Variants in CNTN5 observed in about 807,000 individuals in gnomAD.
CNTN5 encodes contactin-5.
In CNTN5, 77 loss-of-function variants were observed where a neutral mutation model predicts 129.1. The ratio of observed to expected loss-of-function variants is 0.60; its 90% CI spans 0.50 to 0.72. The LOEUF (loss-of-function observed/expected upper bound fraction) is 0.72. Among genes scored for constraint, CNTN5 ranks in the 30% least tolerant of loss-of-function variants. The pLI is 0.00. For missense variants in CNTN5, 1,478 were observed against 1,328.8 expected, an observed-to-expected ratio of 1.11 and a Z score of -1.75; for synonymous variants, 509 against 465.6, an observed-to-expected ratio of 1.09 and a Z score of -1.20.
chr11:100,137,756 G>C (rs1946572652), intron 13 of CNTN5, among the ~76,000 whole-genome samples: 1 of 152,054 alleles, frequency 6.6e-6, no homozygotes, highest in South Asian at 2.1e-4. Flanking sequence ...AATGCAATTA[G>C]GATATGATTA....
intron 13 of CNTN5, among the ~76,000 whole-genome samples, chr11:100,078,718 A>G (rs79931189): frequency 0.038 from 5,783 of 152,196 alleles, 259 homozygotes; most frequent in African/African-American, 0.1. Flanking sequence ...GAAATTTTAC[A>G]TGTAAAATAT....
intron 2 of CNTN5, among the ~76,000 whole-genome samples, chr11:99,436,816 T>A (rs1156667099): frequency 6.6e-6 from 1 of 152,216 alleles, no homozygotes; most frequent in Non-Finnish European, 1.5e-5. Context: ...TCATTCTTTC[T>A]TGATCATAAG....
chr11:100,104,285 G>A (rs11222785), intron 13 of CNTN5, among the ~76,000 whole-genome samples: 15,689 of 151,914 alleles, frequency 0.1, 854 homozygotes, highest in Middle Eastern at 0.12. Context: ...AGTAGAGACA[G>A]GGTTTTGCCG....
chr11:100,084,857 G>T (rs1469926833), intron 13 of CNTN5, among the ~76,000 whole-genome samples: 1 of 152,008 alleles, frequency 6.6e-6, no homozygotes, highest in East Asian at 1.9e-4. Context: ...CCTTAATGGA[G>T]AGAGAAAACC....
chr11:99,819,541 C>G lies in CNTN5; in HGVS notation c.56-3C>G, dbSNP rs1157205978. ...AGATTTTATTATATTTTTTCTCTTA[C>G]AGAGTATTCAAAATCTCTTCCTGGT... On this transcript the variant is annotated splice_region_variant and splice_polypyrimidine_tract_variant and intron_variant, in intron 3 of 24. Transcript: ENST00000524871. 1.9e-6 allele frequency: 3 copies of G among 1,599,342 alleles called. No homozygotes were observed. In the South Asian group the frequency reaches 3.3e-5, roughly 18 times the overall value.
intron 21 of CNTN5, among the ~76,000 whole-genome samples, chr11:100,314,041 T>A (rs1395998005): frequency 6.6e-6 from 1 of 152,116 alleles, no homozygotes; most frequent in East Asian, 1.9e-4. Flanking sequence ...TTGTAGACAT[T>A]TAGTAACCTT....
At chr11:99,542,488 A>G (rs1402451830) in intron 2 of CNTN5, among the ~76,000 whole-genome samples, 1 of 152,212 alleles carries the variant, frequency 6.6e-6, no homozygotes, top group African/African-American at 2.4e-5. Flanking sequence ...GAATATTATT[A>G]GGTTGTTCCA....
At position 99,483,314 on chromosome 11, in the gene CNTN5, C is replaced by T. The variant is rs544467190; in HGVS notation, c.-70-72831C>T. Among the ~76,000 whole-genome samples the T allele has an allele frequency of 3.9e-5, 6 of 152,136 alleles. No homozygotes were observed. In the South Asian group the frequency reaches 1.2e-3, roughly 32 times the overall value. ...CTTTGACTTGGGGTTTTATACATTG[C>T]CATTCTTCGTGCGCAGTGGCCTGCT... On this transcript the variant is annotated intron_variant, in intron 2 of 24. Transcript: ENST00000524871.
chr11:99,765,046 T>C (rs935079293), intron 3 of CNTN5, among the ~76,000 whole-genome samples: 1 of 152,084 alleles, frequency 6.6e-6, no homozygotes, highest in African/African-American at 2.4e-5. Flanking sequence ...TTACCTATAT[T>C]AATTTGGAAA....
chr11:99,289,934 G>A (rs768246934), intron 1 of CNTN5, among the ~76,000 whole-genome samples: 3 of 151,646 alleles, frequency 2.0e-5, no homozygotes, highest in East Asian at 3.9e-4. Context: ...TAGTCTCCTC[G>A]TGAACTTACA....
chr11:100,052,583 C>T lies in CNTN5; in HGVS notation c.981-8629C>T, dbSNP rs11222549. The stretch of plus-strand genomic sequence containing the variant: ...AAGAATACCAAAATAAGGAGATATA[C>T]CGTGTTCATGGAATACAAGACTCAA... On this transcript the variant is annotated intron_variant, in intron 9 of 24. Transcript: ENST00000524871. Among the ~76,000 whole-genome samples the T allele has an allele frequency of 3.5e-4, 53 of 151,854 alleles. No individual in the cohort carries two copies. The East Asian group carries it at 8.3e-3, about 24-fold the overall frequency.
intron 3 of CNTN5, among the ~76,000 whole-genome samples, chr11:99,670,918 G>T (rs1366202322): frequency 1.3e-5 from 2 of 152,222 alleles, no homozygotes; most frequent in African/African-American, 2.4e-5. Context: ...ATCCTGCCTG[G>T]CATATAGTAG....
chr11:99,666,925 A>C (rs529901888), intron 3 of CNTN5, among the ~76,000 whole-genome samples: 1 of 152,222 alleles, frequency 6.6e-6, no homozygotes, highest in East Asian at 1.9e-4. Context: ...TTATTTTTTG[A>C]AAAATACATG....
chr11:99,638,651 T>C (rs1321592544), intron 3 of CNTN5, among the ~76,000 whole-genome samples: 1 of 152,164 alleles, frequency 6.6e-6, no homozygotes, highest in Non-Finnish European at 1.5e-5. Context: ...AAAGGGGTTT[T>C]CAGGGTCCAT....
At chr11:99,644,366 T>G (rs1435765568) in intron 3 of CNTN5, among the ~76,000 whole-genome samples, 1 of 152,208 alleles carries the variant, frequency 6.6e-6, no homozygotes, top group Non-Finnish European at 1.5e-5. Context: ...TGGATTGTAC[T>G]GTCCTTGAAA....
At chr11:99,272,684 C>A (rs568263938) in intron 1 of CNTN5, among the ~76,000 whole-genome samples, 1 of 151,824 alleles carries the variant, frequency 6.6e-6, no homozygotes, top group Non-Finnish European at 1.5e-5. Flanking sequence ...TTAATCTGTA[C>A]CATGATACTT....
chr11:100,167,255 TATACTGTGTGTAAG>T lies in CNTN5; in HGVS notation c.1581-23855_1581-23842del, dbSNP rs572357131. Among the ~76,000 whole-genome samples the T allele has an allele frequency of 2.3e-3, 345 of 151,964 alleles. 1 individual carries two copies. Among genetic ancestry groups the T allele is most frequent in the African/African-American group, 7.7e-3 (321 of 41,512 alleles). On this transcript the variant is annotated intron_variant, in intron 13 of 24. Transcript: ENST00000524871. ...ATTCTTTCAGAGAGTGATTAAGACA[TATACTGTGTGTAAG>T]ATACTGTGTGTAAGAGACCGTAGCT... is the stretch of plus-strand genomic sequence containing the variant.
intron 2 of CNTN5, among the ~76,000 whole-genome samples, chr11:99,376,153 T>G (rs7938757): frequency 0.13 from 19,364 of 152,226 alleles, 1,340 homozygotes; most frequent in Non-Finnish European, 0.16. Flanking sequence ...ATAATTTGGA[T>G]ATTGCATATG....
chr11:99,350,620 G>A (rs942343788), intron 2 of CNTN5, among the ~76,000 whole-genome samples: 9 of 152,176 alleles, frequency 5.9e-5, no homozygotes, highest in East Asian at 1.9e-4. Context: ...ACTACTAAGC[G>A]GTAAGAAGGA....
Sources: allele counts gnomAD v4.1 joint callset (sites outside exome capture counted in the v4.1 genomes callset), GRCh38; gene constraint gnomAD v4.1.1; transcripts MANE v1.5; gene names NCBI Gene and HGNC (gene_info 2026-07-23, HGNC 2026-07-21).